Variants in MPPED2 observed in about 807,000 individuals in gnomAD.
The protein encoded by MPPED2 is metallophosphoesterase MPPED2.
A neutral mutation model predicts 33.0 loss-of-function variants in MPPED2; 5 were observed. The observed-to-expected ratio is 0.15, with a 90% CI of 0.08 to 0.32. The LOEUF (loss-of-function observed/expected upper bound fraction) is 0.32, where lower values mean the gene tolerates loss of function less well. Among genes scored for constraint, MPPED2 ranks in the 10% least tolerant of loss-of-function variants. The probability of loss-of-function intolerance (pLI) is 1.00; values close to 1 mark genes in which losing one functional copy is unlikely to be tolerated. For synonymous variants in MPPED2, 136 were observed against 141.9 expected, an observed-to-expected ratio of 0.96 and a Z score of 0.29; for missense variants, 275 against 372.1, an observed-to-expected ratio of 0.74 and a Z score of 2.15.
chr11:30,404,293 C>T (rs965745150), intron 6 of MPPED2, among the ~76,000 whole-genome samples: 1 of 152,240 alleles, frequency 6.6e-6, no homozygotes, highest in African/African-American at 2.4e-5. Context: ...TCATTCCTCT[C>T]ATTTATGTGC....
At chr11:30,443,686 A>G (rs2133911319) in intron 4 of MPPED2, among the ~76,000 whole-genome samples, 1 of 152,356 alleles carries the variant, frequency 6.6e-6, no homozygotes, top group South Asian at 2.1e-4. Flanking sequence ...CTTTGTAGGC[A>G]GGTGGAGATA....
intron 2 of MPPED2, among the ~76,000 whole-genome samples, chr11:30,578,368 A>G (rs1036439791): frequency 1.3e-5 from 2 of 152,192 alleles, no homozygotes; most frequent in African/African-American, 4.8e-5. Context: ...AGAATCCTCT[A>G]TTCCAAGATC....
At chr11:30,432,528 G>A (rs908048757) in intron 4 of MPPED2, among the ~76,000 whole-genome samples, 1 of 151,960 alleles carries the variant, frequency 6.6e-6, no homozygotes, top group Non-Finnish European at 1.5e-5. Context: ...TGTGAGCCAG[G>A]TCTGATTTCT....
At chr11:30,568,568 A>G (rs1233556016) in intron 2 of MPPED2, among the ~76,000 whole-genome samples, 1 of 152,168 alleles carries the variant, frequency 6.6e-6, no homozygotes, top group African/African-American at 2.4e-5. Context: ...TTAATTCTAC[A>G]CTTGACAAAA....
intron 2 of MPPED2, among the ~76,000 whole-genome samples, chr11:30,537,147 CA>C (rs1954853825): frequency 6.6e-6 from 1 of 152,132 alleles, no homozygotes; most frequent in Non-Finnish European, 1.5e-5. Flanking sequence ...ACTCTTCAAG[CA>C]TACAGTTTTA....
chr11:30,536,129 G>T lies in MPPED2; in HGVS notation c.175C>A (p.Arg59=). 1.2e-6 allele frequency: 2 copies of T among 1,612,536 alleles called. No individual in the cohort carries two copies. Among genetic ancestry groups the T allele is most frequent in the Non-Finnish European group, 1.7e-6 (2 of 1,179,464 alleles). Residue 59 remains arginine (R), a synonymous_variant, in exon 3 of 7, where the codon CGG becomes AGG. Coordinates refer to ENST00000358117, the MANE Select transcript of MPPED2 (RefSeq NM_001584.3). The part of the protein sequence containing the change: ...YDTPKPAGHT[R]FVCISDTHSR... ...TGTGTGTCTGAGATGCAGACAAACC[G>T]CGTGTGGCCCGCTGGTTTTGGAGTG... is the stretch of plus-strand genomic sequence containing the variant.
At chr11:30,571,642 T>C (rs898033203) in intron 2 of MPPED2, among the ~76,000 whole-genome samples, 3 of 152,062 alleles carry the variant, frequency 2.0e-5, no homozygotes, top group Non-Finnish European at 2.9e-5. Context: ...GAAAAAGACA[T>C]GGGAAGGAAA....
At chr11:30,568,429 C>T (rs1956543511) in intron 2 of MPPED2, among the ~76,000 whole-genome samples, 1 of 152,134 alleles carries the variant, frequency 6.6e-6, no homozygotes, top group African/African-American at 2.4e-5. Context: ...ATGTTAAGCT[C>T]AACCATGGTT....
intron 4 of MPPED2, chr11:30,451,558 G>C (rs1322604594): frequency 5.6e-6 from 2 of 354,212 alleles, no homozygotes; most frequent in Admixed American, 6.5e-5. Context: ...AGGGCCAGAA[G>C]TACAATCTAT....
chr11:30,467,989 C>T (rs1247165905), intron 4 of MPPED2, among the ~76,000 whole-genome samples: 1 of 126,638 alleles, frequency 7.9e-6, no homozygotes, highest in Non-Finnish European at 1.6e-5. Context: ...CCAACAACCA[C>T]ATCCTACAGC....
intron 3 of MPPED2, among the ~76,000 whole-genome samples, chr11:30,521,322 T>C (rs1017742279): frequency 2.6e-5 from 4 of 152,130 alleles, no homozygotes; most frequent in African/African-American, 9.7e-5. Flanking sequence ...AACTGAATCA[T>C]CCCCACCAGC....
intron 4 of MPPED2, among the ~76,000 whole-genome samples, chr11:30,418,852 T>C (rs1025724302): frequency 6.6e-6 from 1 of 152,210 alleles, no homozygotes; most frequent in Non-Finnish European, 1.5e-5. Context: ...ACAGCTTTCA[T>C]TTGGTGGTGG....
intron 2 of MPPED2, among the ~76,000 whole-genome samples, chr11:30,573,664 C>T (rs1194795501): frequency 6.6e-6 from 1 of 152,130 alleles, no homozygotes; most frequent in Non-Finnish European, 1.5e-5. Flanking sequence ...GTTTTATACA[C>T]ACACACACAT....
At chr11:30,451,227 T>G (rs1237727817) in intron 4 of MPPED2, among the ~76,000 whole-genome samples, 1 of 152,230 alleles carries the variant, frequency 6.6e-6, no homozygotes. Flanking sequence ...AATGTGAAGC[T>G]GTATCTCACC....
intron 6 of MPPED2, among the ~76,000 whole-genome samples, chr11:30,403,739 A>G (rs1167820165): frequency 6.6e-6 from 1 of 152,178 alleles, no homozygotes; most frequent in Admixed American, 6.5e-5. Flanking sequence ...AAGATGCCAT[A>G]CTTCGGCTTC....
At chr11:30,419,977 T>C (rs1948540405) in intron 4 of MPPED2, among the ~76,000 whole-genome samples, 3 of 152,198 alleles carry the variant, frequency 2.0e-5, no homozygotes, top group Non-Finnish European at 2.9e-5. Flanking sequence ...ATCCTGTTTC[T>C]TGAAACTTAA....
At chr11:30,496,548 T>C (rs575584045) in intron 3 of MPPED2, among the ~76,000 whole-genome samples, 1 of 152,196 alleles carries the variant, frequency 6.6e-6, no homozygotes, top group Non-Finnish European at 1.5e-5. Context: ...CTGAGACCTA[T>C]GGGTCTGATG....
chr11:30,475,050 T>A (rs1951117717), intron 4 of MPPED2, among the ~76,000 whole-genome samples: 2 of 152,326 alleles, frequency 1.3e-5, no homozygotes, highest in African/African-American at 4.8e-5. Context: ...GAAAGGTTAT[T>A]CTTTGATATC....
chr11:30,558,725 C>G (rs765127448), intron 2 of MPPED2, among the ~76,000 whole-genome samples: 7 of 151,814 alleles, frequency 4.6e-5, no homozygotes, highest in Non-Finnish European at 8.8e-5. Context: ...CCCAGCCCTT[C>G]CTTCTTTTCT....
Sources: gnomAD v4.1 joint callset for allele counts (sites outside exome capture counted in the v4.1 genomes callset) on GRCh38, gnomAD v4.1.1 for gene constraint, MANE v1.5 for transcripts, NCBI Gene and HGNC (gene_info 2026-07-23, HGNC 2026-07-21) for gene names.